ADAMTSL3: variants seen among roughly 807,000 people sequenced by gnomAD.
ADAMTSL3 encodes the protein ADAMTS like 3.
Under a neutral mutation model 201.7 loss-of-function variants are expected in ADAMTSL3, and 128 were observed. The observed-to-expected ratio is 0.63, with a 90% confidence interval of 0.55 to 0.73. The LOEUF (loss-of-function observed/expected upper bound fraction) is 0.73. ADAMTSL3 is among the 30% of genes least tolerant of loss of function. ADAMTSL3 has a pLI of 0.00. For missense variants in ADAMTSL3, 1,990 were observed against 2,119.6 expected (o/e 0.94, Z 1.20); for synonymous variants, 738 against 748.4 (o/e 0.99, Z 0.23).
chr15:84,036,976 C>A lies in ADAMTSL3; in HGVS notation c.4958C>A (p.Pro1653His). 6.2e-7 allele frequency: 1 copy of A among 1,613,982 alleles called. No individual in the cohort carries two copies. The highest frequency in any genetic ancestry group is 8.5e-7 in the Non-Finnish European group (1 of 1,179,984). Residue 1653 changes from proline to histidine, a missense_variant, in exon 29 of 30, where the codon CCC becomes CAC. Transcript: ENST00000286744. ...ATTTCCTGGCGGCACTGTCTTGGGC[C>A]CTCCTGTGATAGTACGTACACCTCC... ...KPISWRHCLG[P>H]SCDRDCTDTT...
At chr15:83,857,439 C>T (rs2064762511) in intron 7 of ADAMTSL3, among the ~76,000 whole-genome samples, 2 of 152,118 alleles carry the variant, frequency 1.3e-5, no homozygotes, top group Admixed American at 6.5e-5. Flanking sequence ...TATTGGCAGG[C>T]TTTCCACGTT....
intron 2 of ADAMTSL3, among the ~76,000 whole-genome samples, chr15:83,667,054 A>G (rs1380509322): frequency 1.3e-5 from 2 of 152,056 alleles, no homozygotes; most frequent in African/African-American, 4.8e-5. Context: ...AAAAAATTTT[A>G]AGTAGTCTAG....
intron 3 of ADAMTSL3, among the ~76,000 whole-genome samples, chr15:83,710,523 C>A (rs1219458813): frequency 6.6e-6 from 1 of 151,936 alleles, no homozygotes; most frequent in Non-Finnish European, 1.5e-5. Context: ...CAGTTACTTT[C>A]TTCAAGTCAC....
chr15:83,974,397 G>T (rs1172042665), intron 20 of ADAMTSL3, among the ~76,000 whole-genome samples: 1 of 152,168 alleles, frequency 6.6e-6, no homozygotes, highest in Admixed American at 6.5e-5. Context: ...CCTATAAAGT[G>T]CTTCGAATCA....
At chr15:83,944,612 G>C (rs959211866) in intron 19 of ADAMTSL3, among the ~76,000 whole-genome samples, 6 of 152,162 alleles carry the variant, frequency 3.9e-5, no homozygotes, top group Non-Finnish European at 7.3e-5. Flanking sequence ...GGTTCATTCA[G>C]ATTAAGTAAC....
chr15:84,015,010 A>G (rs2068066512), intron 24 of ADAMTSL3, among the ~76,000 whole-genome samples: 1 of 151,844 alleles, frequency 6.6e-6, no homozygotes, highest in Non-Finnish European at 1.5e-5. Flanking sequence ...CAGTGGCACA[A>G]TCTCGGCTCA....
chr15:83,982,098 T>C lies in ADAMTSL3; in HGVS notation c.2645-175T>C, dbSNP rs145749220. 3.5e-3 allele frequency among the ~76,000 whole-genome samples: 529 copies of C among 152,372 alleles called. 2 individuals are homozygous for C. Among genetic ancestry groups the C allele is most frequent in the African/African-American group, 0.012 (502 of 41,592 alleles). On this transcript the variant is annotated intron_variant, in intron 20 of 29. Coordinates refer to ENST00000286744, the MANE Select transcript of ADAMTSL3 (RefSeq NM_207517.3). ...TAAAGTACTAGATAGTTGTGAAATTTACCCCAATCTGTGGATGTATAATGT... is the reference window on the plus strand; with the variant it reads ...TAAAGTACTAGATAGTTGTGAAATTCACCCCAATCTGTGGATGTATAATGT...
intron 17 of ADAMTSL3, among the ~76,000 whole-genome samples, chr15:83,941,915 G>A (rs570540585): frequency 1.3e-5 from 2 of 152,330 alleles, no homozygotes; most frequent in African/African-American, 4.8e-5. Flanking sequence ...CAGATGGGCA[G>A]AGACTTTTCT....
intron 2 of ADAMTSL3, among the ~76,000 whole-genome samples, chr15:83,678,723 A>AATATATATATTGCCTAATATATATATT (rs1567066765): frequency 1.4e-5 from 2 of 143,348 alleles, no homozygotes; most frequent in African/African-American, 2.5e-5. Flanking sequence ...TATTTTAGGC[A>AATATATATATTGCCTAATATATATATT]ATATATATAT....
rs926438227 is a variant in ADAMTSL3 at position 83,654,426 on chromosome 15, C to T, written c.-34+150C>T. On this transcript the variant is annotated intron_variant, in intron 1 of 29. Coordinates refer to ENST00000286744, the MANE Select transcript of ADAMTSL3 (RefSeq NM_207517.3). This position sits in a 1 kb window ranked among gnomAD's most constrained non-coding sequence, Gnocchi z 5.3. ...GCGTGCCACGCGGGCCCCAGGGGGCCTCAGGACTGGGGTGCTCCTCACTGC... is the reference window on the plus strand; with the variant it reads ...GCGTGCCACGCGGGCCCCAGGGGGCTTCAGGACTGGGGTGCTCCTCACTGC... 3 of 152,798 alleles carry T rather than the reference C, an allele frequency of 2.0e-5. No individual in the cohort carries two copies. Among genetic ancestry groups the T allele is most frequent in the African/African-American group, 7.2e-5 (3 of 41,426 alleles). 9.5% of individuals were successfully genotyped at this position (152,798 alleles called of 1,614,324 possible).
chr15:83,941,211 C>A (rs2066552830), intron 17 of ADAMTSL3, among the ~76,000 whole-genome samples: 1 of 151,324 alleles, frequency 6.6e-6, no homozygotes, highest in African/African-American at 2.4e-5. Flanking sequence ...AACTTTTATT[C>A]TTTTGTCCTA....
At chr15:83,662,499 A>G (rs1054784866) in intron 2 of ADAMTSL3, among the ~76,000 whole-genome samples, 1 of 150,652 alleles carries the variant, frequency 6.6e-6, no homozygotes, top group Non-Finnish European at 1.5e-5. Context: ...TCAGCGCACC[A>G]GCATGGCACA....
At chr15:83,889,250 G>A (rs915586100) in intron 10 of ADAMTSL3, among the ~76,000 whole-genome samples, 1 of 152,204 alleles carries the variant, frequency 6.6e-6, no homozygotes, top group Admixed American at 6.5e-5. Flanking sequence ...GACATACGGG[G>A]ATGGATTTTG....
At chr15:83,683,971 T>C (rs966828468) in intron 2 of ADAMTSL3, among the ~76,000 whole-genome samples, 4 of 152,240 alleles carry the variant, frequency 2.6e-5, no homozygotes, top group African/African-American at 9.6e-5. Context: ...TTATGTTTTC[T>C]CCCTTGCATA....
rs2068557412 is a variant in ADAMTSL3 at position 84,038,963 on chromosome 15, GT to G, written c.*1159del. ...AGGGTTAGGACCAGGTTAGGTCAGG[GT>G]TGGATTGGGTTTAGATTGGGGCCAG... On this transcript the variant is annotated 3_prime_UTR_variant, in exon 30 of 30. Transcript: ENST00000286744. 1.3e-5 allele frequency: 2 copies of G among 152,626 alleles called. No homozygotes were observed. The highest frequency in any genetic ancestry group is 4.1e-4 in the South Asian group (2 of 4,826). 9.5% of individuals were successfully genotyped at this position (152,626 alleles called of 1,614,324 possible).
intron 3 of ADAMTSL3, among the ~76,000 whole-genome samples, chr15:83,739,052 A>G (rs866875228): frequency 1.3e-5 from 2 of 152,062 alleles, no homozygotes; most frequent in Admixed American, 6.5e-5. Flanking sequence ...AAGGAAAACA[A>G]AATAAAATAG....
chr15:83,761,022 C>T (rs2062799968), intron 3 of ADAMTSL3, among the ~76,000 whole-genome samples: 1 of 152,014 alleles, frequency 6.6e-6, no homozygotes, highest in Non-Finnish European at 1.5e-5. Flanking sequence ...TATCCATCTG[C>T]CTACATTCCT....
intron 3 of ADAMTSL3, among the ~76,000 whole-genome samples, chr15:83,725,991 A>C (rs1382846694): frequency 6.6e-6 from 1 of 152,094 alleles, no homozygotes; most frequent in East Asian, 1.9e-4. Flanking sequence ...GGTATTATGG[A>C]CATTTTAACG....
chr15:83,999,796 T>C (rs2067757270), intron 23 of ADAMTSL3, among the ~76,000 whole-genome samples: 1 of 152,154 alleles, frequency 6.6e-6, no homozygotes, highest in African/African-American at 2.4e-5. Context: ...TTTTAAGGGA[T>C]AAAATGCTGT....
Sources: allele counts gnomAD v4.1 joint callset (sites outside exome capture counted in the v4.1 genomes callset), GRCh38; gene constraint gnomAD v4.1.1; non-coding constraint Gnocchi (gnomAD v3.1); transcripts MANE v1.5; gene names NCBI Gene and HGNC (gene_info 2026-07-23, HGNC 2026-07-21).